The following TMEM108 variants were observed in gnomAD, a reference collection of about 807,000 sequenced individuals.
TMEM108 encodes the protein transmembrane protein 108.
TMEM108 carries 12 observed loss-of-function variants against 35.1 expected under a neutral mutation model. That is an observed-to-expected ratio of 0.34 (90% CI 0.22 to 0.55). The LOEUF (loss-of-function observed/expected upper bound fraction) is 0.55, where lower values mean the gene tolerates loss of function less well. Ranked by LOEUF, TMEM108 falls within the 20% of genes least tolerant of loss-of-function variation. The probability of loss-of-function intolerance (pLI) is 0.89; values close to 1 mark genes in which losing one functional copy is unlikely to be tolerated. For synonymous variants in TMEM108, 287 were observed against 308.6 expected (o/e 0.93, Z 0.73); for missense variants, 680 against 753.3 (o/e 0.90, Z 1.14).
chr3:133,234,465 T>C (rs1468007720), intron 3 of TMEM108, among the ~76,000 whole-genome samples: 1 of 152,202 alleles, frequency 6.6e-6, no homozygotes, highest in Non-Finnish European at 1.5e-5. Context: ...TCAATAAATG[T>C]AATCCAGCAT....
chr3:133,318,566 C>T (rs1424261510), intron 3 of TMEM108, among the ~76,000 whole-genome samples: 2 of 152,136 alleles, frequency 1.3e-5, no homozygotes, highest in African/African-American at 4.8e-5. Flanking sequence ...GCCATGTTCT[C>T]ATAAGTACCT....
chr3:133,372,162 T>C (rs1351781032), intron 3 of TMEM108, among the ~76,000 whole-genome samples: 2 of 152,216 alleles, frequency 1.3e-5, no homozygotes, highest in Non-Finnish European at 2.9e-5. Flanking sequence ...ATTTGTTTTT[T>C]TGTCATGGTC....
chr3:133,259,783 G>A (rs779923062), intron 3 of TMEM108, among the ~76,000 whole-genome samples: 1 of 152,190 alleles, frequency 6.6e-6, no homozygotes, highest in Non-Finnish European at 1.5e-5. Context: ...GAGTATGGGT[G>A]TGATTCTTAA....
At chr3:133,123,939 T>C (rs565594996) in intron 2 of TMEM108, among the ~76,000 whole-genome samples, 70 of 152,298 alleles carry the variant, frequency 4.6e-4, no homozygotes, top group Non-Finnish European at 9.6e-4. Flanking sequence ...GGACCTGACT[T>C]GATTATCTCA....
At chr3:133,232,896 TA>T (rs1309867429) in intron 3 of TMEM108, among the ~76,000 whole-genome samples, 2 of 152,314 alleles carry the variant, frequency 1.3e-5, no homozygotes, top group East Asian at 3.9e-4. Flanking sequence ...TATGGTTATA[TA>T]AAAACCAGAT....
intron 2 of TMEM108, among the ~76,000 whole-genome samples, chr3:133,149,827 A>AAT (rs534383973): frequency 9.4e-4 from 142 of 151,240 alleles, no homozygotes; most frequent in African/African-American, 2.2e-3. Context: ...TACATAAGGG[A>AAT]ATATATATAT....
In TMEM108 at chr3:133,352,081, C is replaced by T. The variant is rs184877758; in HGVS notation, c.41-27671C>T. Among the ~76,000 whole-genome samples, 4 of 152,276 alleles carry T rather than the reference C, an allele frequency of 2.6e-5. No individual in the cohort carries two copies. The East Asian group carries it at 7.7e-4, about 29-fold the overall frequency. On this transcript the variant is annotated intron_variant, in intron 3 of 5. Coordinates refer to ENST00000321871, the MANE Select transcript of TMEM108 (RefSeq NM_023943.4). ...ACTTTAAGATTACACCTTGGGTAAT[C>T]TCATGACCACTTTGAGCATCTTATT...
chr3:133,220,790 T>C (rs544530704), intron 2 of TMEM108, among the ~76,000 whole-genome samples: 1 of 152,182 alleles, frequency 6.6e-6, no homozygotes, highest in Non-Finnish European at 1.5e-5. Context: ...CTCCCTACTT[T>C]AGATGTCAAT....
chr3:133,165,020 C>A (rs1363894117), intron 2 of TMEM108, among the ~76,000 whole-genome samples: 1 of 151,990 alleles, frequency 6.6e-6, no homozygotes, highest in Non-Finnish European at 1.5e-5. Context: ...TGCCTTTGAT[C>A]CAAGGAATAT....
At chr3:133,155,988 C>G (rs1023330351) in intron 2 of TMEM108, among the ~76,000 whole-genome samples, 2 of 151,834 alleles carry the variant, frequency 1.3e-5, no homozygotes, top group East Asian at 1.9e-4. Context: ...ACATTTAGGT[C>G]TTTAATCCAT....
chr3:133,045,469 C>A (rs998251591), intron 1 of TMEM108, among the ~76,000 whole-genome samples: 1 of 152,196 alleles, frequency 6.6e-6, no homozygotes. Flanking sequence ...CACTGCCCTG[C>A]AGCCCATAAG....
chr3:133,162,347 AACTGG>A (rs556045415), intron 2 of TMEM108, among the ~76,000 whole-genome samples: 174 of 152,320 alleles, frequency 1.1e-3, no homozygotes, highest in African/African-American at 4.1e-3. Context: ...TTAGGTTAGA[AACTGG>A]ACCTAAAAGG....
At chr3:133,231,993 G>C (rs1034076977) in intron 3 of TMEM108, among the ~76,000 whole-genome samples, 5 of 152,060 alleles carry the variant, frequency 3.3e-5, no homozygotes, top group African/African-American at 1.2e-4. Context: ...CTGCATATGT[G>C]CCCTTTTCTT....
chr3:133,194,582 T>G (rs1157896480), intron 2 of TMEM108, among the ~76,000 whole-genome samples: 1 of 152,128 alleles, frequency 6.6e-6, no homozygotes, highest in Admixed American at 6.6e-5. Context: ...ATGGTTTTTT[T>G]TTTTTTCTGA....
intron 3 of TMEM108, among the ~76,000 whole-genome samples, chr3:133,328,580 A>G (rs550906008): frequency 6.6e-6 from 1 of 151,974 alleles, no homozygotes; most frequent in South Asian, 2.1e-4. Context: ...AAGCAGAGGG[A>G]CTCTGATTGT....
At chr3:133,056,796 A>AT (rs1164828914) in intron 2 of TMEM108, among the ~76,000 whole-genome samples, 1 of 152,212 alleles carries the variant, frequency 6.6e-6, no homozygotes, top group African/African-American at 2.4e-5. Flanking sequence ...CATATCAGAA[A>AT]TTGACAGCAA....
intron 2 of TMEM108, among the ~76,000 whole-genome samples, chr3:133,179,484 T>C (rs570376965): frequency 6.6e-6 from 1 of 151,630 alleles, no homozygotes; most frequent in African/African-American, 2.4e-5. Context: ...CCATAAAAAA[T>C]GATGAGTTCA....
chr3:133,288,490 T>C (rs1396094346), intron 3 of TMEM108, among the ~76,000 whole-genome samples: 1 of 152,190 alleles, frequency 6.6e-6, no homozygotes, highest in Non-Finnish European at 1.5e-5. Flanking sequence ...AGAAGTTCCT[T>C]GTGGAGAGAA....
chr3:133,146,034 G>C (rs1307307113), intron 2 of TMEM108, among the ~76,000 whole-genome samples: 1 of 152,190 alleles, frequency 6.6e-6, no homozygotes, highest in African/African-American at 2.4e-5. Flanking sequence ...GGGCATCCTT[G>C]TCTTGTGCCG....
Sources: gnomAD v4.1 joint callset for allele counts (sites outside exome capture counted in the v4.1 genomes callset) on GRCh38, gnomAD v4.1.1 for gene constraint, MANE v1.5 for transcripts, NCBI Gene and HGNC (gene_info 2026-07-23, HGNC 2026-07-21) for gene names.